The following EIF2AK3 variants were observed in gnomAD, a reference collection of about 807,000 sequenced individuals.
The protein encoded by EIF2AK3 is eukaryotic translation initiation factor 2-alpha kinase 3.
A neutral mutation model predicts 113.5 loss-of-function variants in EIF2AK3; 50 were observed. The observed-to-expected ratio is 0.44, with a 90% CI of 0.35 to 0.56. The LOEUF (loss-of-function observed/expected upper bound fraction) is 0.56, where lower values mean the gene tolerates loss of function less well. Ranked by LOEUF, EIF2AK3 falls within the 20% of genes least tolerant of loss-of-function variation. The pLI is 0.00. For synonymous variants in EIF2AK3, 448 were observed against 495.4 expected (o/e 0.90, Z 1.27); for missense variants, 1,185 against 1,378.0 (o/e 0.86, Z 2.22).
intron 2 of EIF2AK3, among the ~76,000 whole-genome samples, chr2:88,608,832 A>C (rs187882535): frequency 1.4e-3 from 210 of 149,546 alleles, no homozygotes; most frequent in South Asian, 7.6e-3. Flanking sequence ...CTCAGCCTCC[A>C]AAGTAGCTGG....
At chr2:88,580,356 T>G (rs1674568647) in intron 10 of EIF2AK3, among the ~76,000 whole-genome samples, 1 of 152,234 alleles carries the variant, frequency 6.6e-6, no homozygotes, top group Non-Finnish European at 1.5e-5. Flanking sequence ...GGGATGGCCT[T>G]CCTCTTTGCA....
chr2:88,575,076 A>T lies in EIF2AK3; in HGVS notation c.2407T>A (p.Ser803Thr), dbSNP rs1674420213. The T allele has an allele frequency of 6.2e-7, 1 of 1,614,092 alleles. No individual in the cohort carries two copies. Among genetic ancestry groups the T allele is most frequent in the Non-Finnish European group, 8.5e-7 (1 of 1,180,048 alleles). Residue 803 changes from serine (S) to threonine (T), a missense_variant, in exon 13 of 17, where the codon TCC becomes ACC. Coordinates refer to ENST00000303236, the MANE Select transcript of EIF2AK3 (RefSeq NM_004836.7). The part of the protein sequence containing the change: ...SPYVRSRERT[S>T]SSIVFEDSGC... The stretch of plus-strand genomic sequence containing the variant: ...GAATCTTCAAATACTATTGAAGAGG[A>T]GGTTCTCTCCCTTGACCTTACATAA...
chr2:88,623,247 G>A (rs1027345195), intron 1 of EIF2AK3, among the ~76,000 whole-genome samples: 1 of 152,298 alleles, frequency 6.6e-6, no homozygotes, highest in African/African-American at 2.4e-5. Flanking sequence ...GTGAGGTGAT[G>A]AGACTTTCTT....
At position 88,625,284 on chromosome 2, in the gene EIF2AK3, T is replaced by TACACACAC. The variant is rs375827301; in HGVS notation, c.308+1675_308+1682dup. Among the ~76,000 whole-genome samples, 137 of 135,248 alleles carry TACACACAC rather than the reference T, an allele frequency of 1.0e-3. 1 individual carries two copies. The highest frequency in any genetic ancestry group is 1.7e-3 in the African/African-American group (64 of 37,914). 88.7% of individuals were successfully genotyped at this position (135,248 alleles called of 152,430 possible). On this transcript the variant is annotated intron_variant, in intron 1 of 16. Coordinates refer to ENST00000303236, the MANE Select transcript of EIF2AK3 (RefSeq NM_004836.7). Reference sequence around the variant, plus strand: ...TATGTGCATGTCTATATCGCTTACGTACACACACACACACACACACACACA... The same window carrying TACACACAC: ...TATGTGCATGTCTATATCGCTTACGTACACACACACACACACACACACACACACACACA...
At chr2:88,593,470 T>C (rs967211352) in intron 3 of EIF2AK3, 65 bp from the exon 4 acceptor site, 4 of 1,579,242 alleles carry the variant, frequency 2.5e-6, no homozygotes, top group Non-Finnish European at 1.7e-6. Flanking sequence ...TCAGAGATAT[T>C]AAAGGAATCT....
At chr2:88,574,504 ATTC>A (rs1674400283) in intron 13 of EIF2AK3, 159 bp downstream of exon 13, 1 of 792,066 alleles carries the variant, frequency 1.3e-6, no homozygotes, top group Non-Finnish European at 2.0e-6. Flanking sequence ...AAGACTTCTT[ATTC>A]TTGCAGCAGG....
chr2:88,592,757 C>T (rs1327909516), intron 4 of EIF2AK3, among the ~76,000 whole-genome samples: 7 of 136,894 alleles, frequency 5.1e-5, no homozygotes, highest in African/African-American at 1.9e-4. Context: ...GAGTGAAACT[C>T]GGTCTCAAAA....
intron 2 of EIF2AK3, among the ~76,000 whole-genome samples, chr2:88,609,458 G>GA (rs1172984517): frequency 1.3e-5 from 2 of 151,856 alleles, no homozygotes; most frequent in African/African-American, 4.8e-5. Flanking sequence ...TGAACTAAAG[G>GA]AAAAAAACAG....
intron 9 of EIF2AK3, among the ~76,000 whole-genome samples, chr2:88,583,747 A>G (rs1360829970): frequency 1.3e-5 from 2 of 152,208 alleles, no homozygotes; most frequent in Non-Finnish European, 2.9e-5. Flanking sequence ...CCAGTCTTTG[A>G]GGGGATTTTG....
At chr2:88,577,598 C>T (rs111251357) in intron 11 of EIF2AK3, among the ~76,000 whole-genome samples, 5 of 151,990 alleles carry the variant, frequency 3.3e-5, no homozygotes, top group African/African-American at 9.6e-5. Context: ...AGGCTGGTCT[C>T]GAACTCCTGG....
rs2104374527 is a variant in EIF2AK3, at chr2:88,556,928, A to G, written c.*808T>C. The G allele has an allele frequency of 1.3e-5, 2 of 152,306 alleles. 1 individual carries two copies. The highest frequency in any genetic ancestry group is 4.1e-4 in the South Asian group (2 of 4,828). 9.4% of individuals were successfully genotyped at this position (152,306 alleles called of 1,614,324 possible). ...AAGTGAGATGATTAAACTGTTACCT[A>G]TAATCAGTTTGGGGGAAGTACCAAC... On this transcript the variant is annotated 3_prime_UTR_variant, in exon 17 of 17. Coordinates refer to ENST00000303236, the MANE Select transcript of EIF2AK3 (RefSeq NM_004836.7).
At chr2:88,576,029 T>C (rs532561801) in intron 12 of EIF2AK3, among the ~76,000 whole-genome samples, 71 of 152,330 alleles carry the variant, frequency 4.7e-4, no homozygotes, top group African/African-American at 1.7e-3. Flanking sequence ...ATGGACAATA[T>C]ATTCAGGCTA....
Position 88,590,560 on chromosome 2 carries a change from C to G in EIF2AK3, c.1048G>C (p.Val350Leu). 1.2e-6 allele frequency: 2 copies of G among 1,613,378 alleles called. No individual in the cohort carries two copies. Among genetic ancestry groups the G allele is most frequent in the Non-Finnish European group, 1.7e-6 (2 of 1,179,910 alleles). Residue 350 changes from valine (V) to leucine (L), a missense_variant, in exon 6 of 17, where the codon GTC becomes CTC. Physicochemically the swap from Val to Leu is conservative, Grantham distance 32. Transcript: ENST00000303236. ...ASAWLLKDGK[V>L]IPISLFDDTS... ...TCATCAAAAAGACTGATGGGAATGA[C>G]TTTCCCATCCTTAAGTAACCAGGCA...
chr2:88,583,646 C>A (rs1425011456), intron 9 of EIF2AK3, 104 bp from the exon 10 acceptor site: 2 of 818,658 alleles, frequency 2.4e-6, no homozygotes, highest in Non-Finnish European at 4.1e-6. Flanking sequence ...ACATAAGTAG[C>A]ATCAAGAAAA....
chr2:88,608,000 C>CT (rs1675332037), intron 2 of EIF2AK3, among the ~76,000 whole-genome samples: 2 of 152,156 alleles, frequency 1.3e-5, no homozygotes, highest in South Asian at 4.1e-4. Context: ...AGAATTAAGA[C>CT]TAAAACTGAA....
intron 2 of EIF2AK3, among the ~76,000 whole-genome samples, chr2:88,604,398 C>G (rs1431780051): frequency 6.6e-6 from 1 of 152,148 alleles, no homozygotes; most frequent in Non-Finnish European, 1.5e-5. Flanking sequence ...TAATCCTCCC[C>G]CTCCTCTCTA....
At chr2:88,616,094 A>C (rs1675561512) in intron 1 of EIF2AK3, among the ~76,000 whole-genome samples, 2 of 151,116 alleles carry the variant, frequency 1.3e-5, no homozygotes, top group Non-Finnish European at 2.9e-5. Context: ...TATCTTTCCT[A>C]TCTCTTAAAA....
intron 1 of EIF2AK3, among the ~76,000 whole-genome samples, chr2:88,623,654 C>T (rs1041727860): frequency 9.9e-5 from 15 of 152,138 alleles, no homozygotes; most frequent in African/African-American, 2.2e-4. Context: ...ACAGAATTAC[C>T]GGTCTATTAT....
chr2:88,583,946 C>T (rs1017155414), intron 9 of EIF2AK3, among the ~76,000 whole-genome samples: 2 of 152,156 alleles, frequency 1.3e-5, no homozygotes, highest in Admixed American at 1.3e-4. Flanking sequence ...AACAAAAAGA[C>T]TAGAGAGATT....
Sources: gnomAD v4.1 joint callset for allele counts (sites outside exome capture counted in the v4.1 genomes callset) on GRCh38, gnomAD v4.1.1 for gene constraint, MANE v1.5 for transcripts, NCBI Gene and HGNC (gene_info 2026-07-23, HGNC 2026-07-21) for gene names.